Variants in NEK11 observed in about 807,000 individuals in gnomAD.
NEK11 encodes serine/threonine-protein kinase Nek11.
Under a neutral mutation model 80.7 loss-of-function variants are expected in NEK11, and 72 were observed. The observed-to-expected ratio is 0.89, with a 90% CI of 0.74 to 1.08. NEK11 has a LOEUF of 1.08. Ranked by LOEUF, NEK11 falls within the 50% of genes least tolerant of loss-of-function variation. NEK11 has a pLI of 0.00. For missense variants in NEK11, 764 were observed against 763.6 expected, an observed-to-expected ratio of 1.00 and a Z score of -0.01; for synonymous variants, 251 against 260.7, an observed-to-expected ratio of 0.96 and a Z score of 0.36.
chr3:131,267,554 A>T (rs1357627696), intron 16 of NEK11, among the ~76,000 whole-genome samples: 3 of 152,174 alleles, frequency 2.0e-5, no homozygotes, highest in Non-Finnish European at 4.4e-5. Flanking sequence ...CTGCTGAGAG[A>T]GCCACTGTTA....
At chr3:131,324,512 A>G (rs769259628) in intron 17 of NEK11, among the ~76,000 whole-genome samples, 1 of 152,108 alleles carries the variant, frequency 6.6e-6, no homozygotes, top group African/African-American at 2.4e-5. Flanking sequence ...AAAGAAATCT[A>G]TTTTATCTTC....
Position 131,028,011 on chromosome 3 carries a change from A to G in NEK11, c.-97+9A>G, listed in dbSNP as rs1483458019. 1 of 152,220 alleles carries G rather than the reference A, an allele frequency of 6.6e-6. No homozygotes were observed. Among genetic ancestry groups the G allele is most frequent in the South Asian group, 2.1e-4 (1 of 4,826 alleles). The allele number at this position is 152,220 out of a possible 1,614,324, so 9.4% of individuals were successfully genotyped here. A position where few individuals can be genotyped will look rare whatever the true frequency, so the allele number is the denominator to read the frequency against. ...TTTCAGCTGGAAAGTCTGTAAGTCCATATATTTATTTGAACAGCTTAGTAT... is the reference window on the plus strand; with the variant it reads ...TTTCAGCTGGAAAGTCTGTAAGTCCGTATATTTATTTGAACAGCTTAGTAT... On this transcript the variant is annotated intron_variant, in intron 2 of 17. Coordinates refer to ENST00000383366, the MANE Select transcript of NEK11 (RefSeq NM_024800.5).
At chr3:131,052,134 G>GTTTTTTTTTTTTTTT (rs34528776) in intron 3 of NEK11, among the ~76,000 whole-genome samples, 1 of 127,224 alleles carries the variant, frequency 7.9e-6, no homozygotes, top group Non-Finnish European at 1.7e-5. Context: ...GGTTTTTTTT[G>GTTTTTTTTTTTTTTT]TTTTTTTTTT....
chr3:131,161,037 G>C (rs1048608235), intron 10 of NEK11, among the ~76,000 whole-genome samples: 1 of 151,798 alleles, frequency 6.6e-6, no homozygotes, highest in African/African-American at 2.4e-5. Context: ...ACAAAAATTA[G>C]CTGGGCGTGG....
At chr3:131,045,529 A>C (rs2067247145) in intron 3 of NEK11, among the ~76,000 whole-genome samples, 1 of 152,146 alleles carries the variant, frequency 6.6e-6, no homozygotes, top group Non-Finnish European at 1.5e-5. Flanking sequence ...ATATAATTTC[A>C]ATTTTCTTCA....
intron 17 of NEK11, among the ~76,000 whole-genome samples, chr3:131,275,970 G>T (rs1395868050): frequency 1.3e-5 from 2 of 152,206 alleles, no homozygotes; most frequent in Non-Finnish European, 2.9e-5. Context: ...GAGCCAAATA[G>T]ATGATGAGAG....
At chr3:131,159,716 G>A (rs1399373361) in intron 10 of NEK11, among the ~76,000 whole-genome samples, 1 of 151,936 alleles carries the variant, frequency 6.6e-6, no homozygotes, top group Non-Finnish European at 1.5e-5. Flanking sequence ...AGTGAGCTGA[G>A]ACAGCACCAT....
chr3:131,212,211 A>C (rs1465140238), intron 14 of NEK11, among the ~76,000 whole-genome samples: 2 of 152,066 alleles, frequency 1.3e-5, no homozygotes, highest in Non-Finnish European at 2.9e-5. Context: ...TTTTCCTTCT[A>C]ACAACCAGGA....
chr3:131,279,323 T>A (rs975267737), intron 17 of NEK11, among the ~76,000 whole-genome samples: 1 of 152,062 alleles, frequency 6.6e-6, no homozygotes, highest in African/African-American at 2.4e-5. Flanking sequence ...ACTCCAGACT[T>A]GGCAACAAGA....
At chr3:131,149,335 T>C (rs2089155614) in intron 7 of NEK11, among the ~76,000 whole-genome samples, 1 of 152,132 alleles carries the variant, frequency 6.6e-6, no homozygotes, top group Admixed American at 6.6e-5. Context: ...GGCTGCATAA[T>C]ATTCCACAGT....
In NEK11 at chr3:131,175,767, T is replaced by A. The variant is rs375311314; in HGVS notation, c.1399+4880T>A. Reference sequence around the variant, plus strand: ...CATTTTATTGTATATAAATTATACCTAAATAAAATTGATAAATTAAAAAAA... The same window carrying A: ...CATTTTATTGTATATAAATTATACCAAAATAAAATTGATAAATTAAAAAAA... On this transcript the variant is annotated intron_variant, in intron 14 of 17. Transcript: ENST00000383366. Among the ~76,000 whole-genome samples the A allele has an allele frequency of 4.6e-5, 7 of 152,280 alleles. No individual in the cohort carries two copies. In the East Asian group the frequency reaches 1.4e-3, roughly 29 times the overall value.
intron 17 of NEK11, among the ~76,000 whole-genome samples, chr3:131,316,175 A>ACTTAAACAG (rs2096837975): frequency 2.0e-5 from 3 of 152,334 alleles, no homozygotes; most frequent in African/African-American, 7.2e-5. Context: ...CTTATTTTCT[A>ACTTAAACAG]CTTAAACAGA....
intron 17 of NEK11, among the ~76,000 whole-genome samples, chr3:131,319,681 G>T (rs556108843): frequency 1.3e-5 from 2 of 152,192 alleles, no homozygotes; most frequent in South Asian, 2.1e-4. Context: ...CTAATTTTTG[G>T]TGTCAAAGTC....
intron 14 of NEK11, among the ~76,000 whole-genome samples, chr3:131,203,417 T>G (rs1352944336): frequency 2.7e-5 from 3 of 109,784 alleles, no homozygotes; most frequent in East Asian, 3.0e-4. Flanking sequence ...CATCACACAC[T>G]GGGGCCTGTT....
At chr3:131,070,938 G>T (rs1231513405) in intron 3 of NEK11, among the ~76,000 whole-genome samples, 1 of 152,132 alleles carries the variant, frequency 6.6e-6, no homozygotes, top group East Asian at 1.9e-4. Context: ...CTTTCTGAGG[G>T]TCTTGTCCAG....
intron 17 of NEK11, among the ~76,000 whole-genome samples, chr3:131,321,435 A>T (rs1430933411): frequency 2.6e-5 from 4 of 152,124 alleles, no homozygotes; most frequent in African/African-American, 9.6e-5. Flanking sequence ...TCTGGACATC[A>T]GCCTTGGGAA....
At chr3:131,160,178 A>G (rs1426137661) in intron 10 of NEK11, among the ~76,000 whole-genome samples, 1 of 152,232 alleles carries the variant, frequency 6.6e-6, no homozygotes, top group African/African-American at 2.4e-5. Context: ...GCAGTTGGAG[A>G]GAAAGGTCAG....
chr3:131,317,768 A>AAGGAGAAGGAGGAGG (rs2096855576), intron 17 of NEK11, among the ~76,000 whole-genome samples: 1 of 26,926 alleles, frequency 3.7e-5, no homozygotes, highest in Non-Finnish European at 7.1e-5. Flanking sequence ...ACCCAAGAAG[A>AAGGAGAAGGAGGAGG]AGGAGAAGGA....
chr3:131,283,063 T>C (rs960047096), intron 17 of NEK11, among the ~76,000 whole-genome samples: 1 of 152,176 alleles, frequency 6.6e-6, no homozygotes, highest in African/African-American at 2.4e-5. Context: ...GTAAAGAGTT[T>C]GTATTTCAAG....
Sources: allele counts gnomAD v4.1 joint callset (sites outside exome capture counted in the v4.1 genomes callset), GRCh38; gene constraint gnomAD v4.1.1; transcripts MANE v1.5; gene names NCBI Gene and HGNC (gene_info 2026-07-23, HGNC 2026-07-21).